Variants in PTPRD observed in about 807,000 individuals in gnomAD.
PTPRD encodes protein tyrosine phosphatase receptor type D.
In PTPRD, 34 loss-of-function variants were observed where a neutral mutation model predicts 214.5. That is an observed-to-expected ratio of 0.16 (90% CI 0.12 to 0.21). The LOEUF (loss-of-function observed/expected upper bound fraction) is 0.21, where lower values mean the gene tolerates loss of function less well. Among genes scored for constraint, PTPRD ranks in the 10% least tolerant of loss-of-function variants. The pLI is 1.00. For missense variants in PTPRD, 2,545 were observed against 2,398.7 expected (o/e 1.06, Z -1.27); for synonymous variants, 1,128 against 845.7 (o/e 1.33, Z -5.79).
At chr9:9,781,267 A>G (rs1565210988) in intron 5 of PTPRD, among the ~76,000 whole-genome samples, 1 of 152,234 alleles carries the variant, frequency 6.6e-6, no homozygotes. Context: ...TTTAACTGAC[A>G]GTGGGAAGAG....
intron 11 of PTPRD, among the ~76,000 whole-genome samples, chr9:8,820,532 A>G (rs1462430857): frequency 6.6e-6 from 1 of 152,212 alleles, no homozygotes; most frequent in East Asian, 1.9e-4. Context: ...TTTACCATCA[A>G]AGACAGTGAT....
intron 6 of PTPRD, among the ~76,000 whole-genome samples, chr9:9,751,487 T>A (rs1409218545): frequency 6.6e-6 from 1 of 152,122 alleles, no homozygotes; most frequent in Non-Finnish European, 1.5e-5. Context: ...AAAAAAGGTG[T>A]GTCTGAAGTC....
At chr9:10,415,962 T>C (rs2098483159) in intron 2 of PTPRD, among the ~76,000 whole-genome samples, 1 of 151,868 alleles carries the variant, frequency 6.6e-6, no homozygotes, top group Admixed American at 6.6e-5. Flanking sequence ...AGATGCACCT[T>C]TTTAAAAACA....
At chr9:8,556,234 C>A (rs2083708960) in intron 14 of PTPRD, among the ~76,000 whole-genome samples, 1 of 152,208 alleles carries the variant, frequency 6.6e-6, no homozygotes. Context: ...GTCTCTTAGG[C>A]AGCATTTAAC....
intron 8 of PTPRD, among the ~76,000 whole-genome samples, chr9:9,417,003 G>A (rs1409320408): frequency 6.6e-6 from 1 of 152,036 alleles, no homozygotes. Context: ...TGTATACCAA[G>A]TAAGATCAGT....
rs143887636 is a variant in PTPRD, at chr9:10,574,813, CATAT to C, written c.-600+37581_-600+37584del. ...CACACATCAAATAGATATGTGTGTG[CATAT>C]ATATATATATATATATCTTAGATTC... On this transcript the variant is annotated intron_variant, in intron 2 of 45. Coordinates refer to ENST00000381196, the MANE Select transcript of PTPRD (RefSeq NM_002839.4). Among the ~76,000 whole-genome samples, 107 of 136,390 alleles carry C rather than the reference CATAT, an allele frequency of 7.8e-4. 2 individuals are homozygous for C. The East Asian group carries it at 0.021, about 26-fold the overall frequency. The allele number at this position is 136,390 out of a possible 152,430, so 89.5% of individuals were successfully genotyped here.
At chr9:10,292,150 A>C (rs1259306470) in intron 3 of PTPRD, among the ~76,000 whole-genome samples, 1 of 152,090 alleles carries the variant, frequency 6.6e-6, no homozygotes, top group Non-Finnish European at 1.5e-5. Context: ...CCTGAAAGCT[A>C]TCCTCATAAA....
intron 2 of PTPRD, among the ~76,000 whole-genome samples, chr9:10,538,973 G>A (rs1055898272): frequency 1.3e-5 from 2 of 152,102 alleles, no homozygotes; most frequent in African/African-American, 2.4e-5. Flanking sequence ...TCACCAGCCT[G>A]TGCCTGGAGG....
intron 37 of PTPRD, among the ~76,000 whole-genome samples, chr9:8,383,022 CTT>C (rs777732802): frequency 6.6e-6 from 1 of 152,200 alleles, no homozygotes; most frequent in Non-Finnish European, 1.5e-5. Context: ...CAAGGCTGGA[CTT>C]TCCAAAACTG....
chr9:8,380,427 T>G (rs531762537), intron 37 of PTPRD, among the ~76,000 whole-genome samples: 1 of 152,320 alleles, frequency 6.6e-6, no homozygotes, highest in African/African-American at 2.4e-5. Context: ...ACTCAGGCTG[T>G]GGTTTAGAAA....
At chr9:8,375,844 C>T (rs2083083554) in intron 39 of PTPRD, 92 bp downstream of exon 39, 2 of 1,410,584 alleles carry the variant, frequency 1.4e-6, no homozygotes, top group Non-Finnish European at 1.9e-6. Flanking sequence ...AAGACATTTA[C>T]TATTCCAGAA....
At chr9:10,027,563 T>A (rs1479756295) in intron 4 of PTPRD, among the ~76,000 whole-genome samples, 1 of 152,216 alleles carries the variant, frequency 6.6e-6, no homozygotes, top group Non-Finnish European at 1.5e-5. Context: ...GAGAAGAATA[T>A]ACATGTTCAG....
intron 2 of PTPRD, among the ~76,000 whole-genome samples, chr9:10,420,561 G>A (rs186143563): frequency 3.9e-4 from 59 of 151,804 alleles, no homozygotes; most frequent in African/African-American, 7.5e-4. Flanking sequence ...ACGACGGGGG[G>A]GCTGAAGCAG....
intron 10 of PTPRD, among the ~76,000 whole-genome samples, chr9:9,087,355 C>T (rs184646054): frequency 6.6e-6 from 1 of 151,930 alleles, no homozygotes; most frequent in East Asian, 1.9e-4. Flanking sequence ...TATAATTATA[C>T]CTATTACCCA....
rs150219627 is a variant in PTPRD, at chr9:8,834,948, C to G, written c.-103-101002G>C. Among the ~76,000 whole-genome samples the G allele has an allele frequency of 3.5e-3, 528 of 152,310 alleles. 6 individuals carry two copies. The highest frequency in any genetic ancestry group is 0.01 in the Middle Eastern group (3 of 294). On this transcript the variant is annotated intron_variant, in intron 11 of 45. Coordinates refer to ENST00000381196, the MANE Select transcript of PTPRD (RefSeq NM_002839.4). ...TGGGGTTATTCAGAGCAAATAATAACTCACAGCATGGCTGGTGCTTTTGCC... is the reference window on the plus strand; with the variant it reads ...TGGGGTTATTCAGAGCAAATAATAAGTCACAGCATGGCTGGTGCTTTTGCC...
At chr9:9,876,752 A>G (rs534759655) in intron 5 of PTPRD, among the ~76,000 whole-genome samples, 23 of 152,034 alleles carry the variant, frequency 1.5e-4, no homozygotes, top group Non-Finnish European at 3.4e-4. Flanking sequence ...ATCATAAAAT[A>G]ACACTATGTT....
intron 5 of PTPRD, among the ~76,000 whole-genome samples, chr9:9,861,242 G>C (rs1334753043): frequency 6.6e-6 from 1 of 152,010 alleles, no homozygotes; most frequent in African/African-American, 2.4e-5. Flanking sequence ...GACTCACATG[G>C]TATGAAAGTA....
intron 11 of PTPRD, among the ~76,000 whole-genome samples, chr9:8,824,522 A>G (rs2097138309): frequency 6.6e-6 from 1 of 152,202 alleles, no homozygotes; most frequent in African/African-American, 2.4e-5. Flanking sequence ...ACTGTTTAAT[A>G]AAACATTCAG....
At chr9:10,298,091 C>T (rs12380772) in intron 3 of PTPRD, among the ~76,000 whole-genome samples, 13,733 of 152,014 alleles carry the variant, frequency 0.09, 676 homozygotes, top group Non-Finnish European at 0.11. Flanking sequence ...AATTTGGAGG[C>T]GCTTGCATTA....
Sources: allele counts gnomAD v4.1 joint callset (sites outside exome capture counted in the v4.1 genomes callset), GRCh38; gene constraint gnomAD v4.1.1; transcripts MANE v1.5; gene names NCBI Gene and HGNC (gene_info 2026-07-23, HGNC 2026-07-21).